DYNC2I2: variants seen among roughly 807,000 people sequenced by gnomAD.
DYNC2I2 encodes dynein 2 intermediate chain 2, also known as cytoplasmic dynein 2 intermediate chain 2.
Under a neutral mutation model 52.0 loss-of-function variants are expected in DYNC2I2, and 39 were observed. The ratio of observed to expected loss-of-function variants is 0.75; its 90% CI spans 0.58 to 0.98. DYNC2I2 has a LOEUF of 0.98. Ranked by LOEUF, DYNC2I2 falls within the 50% of genes least tolerant of loss-of-function variation. The pLI is 0.00. For synonymous variants in DYNC2I2, 359 were observed against 321.1 expected (o/e 1.12, Z -1.26); for missense variants, 743 against 728.4 (o/e 1.02, Z -0.23).
chr9:128,635,836 G>A (rs930743912), intron 4 of DYNC2I2, 69 bp from the exon 5 acceptor site: 23 of 1,442,670 alleles, frequency 1.6e-5, no homozygotes, highest in Middle Eastern at 1.7e-4. Flanking sequence ...CCAAACACCC[G>A]CCCCAGCCCA....
the DYNC2I2 span, among the ~76,000 whole-genome samples, chr9:128,668,826 A>C: frequency 2.1e-5 from 3 of 146,000 alleles, no homozygotes; most frequent in African/African-American, 7.7e-5. Flanking sequence ...AAAAAAAGGA[A>C]AAAAAAAAAA....
At position 128,656,632 on chromosome 9, in the gene DYNC2I2, G is replaced by A. The variant is rs1353426600; in HGVS notation, c.95C>T (p.Pro32Leu). ...ATVGVASGPG[P>L]GRPGPLQDET... ...GTCCTGCAGCGGCCCTGGCCGCCCC[G>A]GCCCCGGGCCGCTCGCAACCCCGAC... Residue 32 changes from proline to leucine, a missense_variant, in exon 1 of 9, where the codon CCG becomes CTG. Coordinates refer to ENST00000372715, the MANE Select transcript of DYNC2I2 (RefSeq NM_052844.4). The A allele has an allele frequency of 4.7e-6, 7 of 1,498,832 alleles. No homozygotes were observed. Among genetic ancestry groups the A allele is most frequent in the African/African-American group, 4.3e-5 (3 of 69,344 alleles). 92.8% of individuals were successfully genotyped at this position (1,498,832 alleles called of 1,614,324 possible). A position where few individuals can be genotyped will look rare whatever the true frequency, so the allele number is the denominator to read the frequency against.
At chr9:128,636,145 G>C (rs1589429666) in intron 4 of DYNC2I2, 136 bp downstream of exon 4, 1 of 1,335,270 alleles carries the variant, frequency 7.5e-7, no homozygotes, top group Middle Eastern at 2.1e-4. Context: ...CCTTCACCTG[G>C]GCTCCAGACT....
Position 128,633,919 on chromosome 9 carries a change from G to C in DYNC2I2, c.1436C>G (p.Thr479Ser). 1 of 1,613,256 alleles carries C rather than the reference G, an allele frequency of 6.2e-7. No individual in the cohort carries two copies. Among genetic ancestry groups the C allele is most frequent in the Non-Finnish European group, 8.5e-7 (1 of 1,180,046 alleles). ...SQKPTVLIKQ[T>S]QDESPVYCLE... ...ACAGTAGACAGGGCTTTCATCCTGG[G>C]TTTGCTTGATCAAAACTGTGGGTTT... The change falls in exon 9 of 9, where the codon ACC becomes AGC. Residue 479 changes from threonine to serine, a missense_variant. Physicochemically the swap from Thr to Ser is moderately conservative, Grantham distance 58. Coordinates refer to ENST00000372715, the MANE Select transcript of DYNC2I2 (RefSeq NM_052844.4).
the DYNC2I2 span, among the ~76,000 whole-genome samples, chr9:128,682,160 T>C: frequency 1.8e-4 from 28 of 151,784 alleles, no homozygotes; most frequent in East Asian, 1.2e-3. Flanking sequence ...GCCATTCTCC[T>C]GCCTCAGCCT....
At chr9:128,668,743 C>T in the DYNC2I2 span, among the ~76,000 whole-genome samples, 1 of 150,576 alleles carries the variant, frequency 6.6e-6, no homozygotes, top group African/African-American at 2.4e-5. Context: ...TCGCTTGATC[C>T]CAGGAGGTAG....
At chr9:128,664,809 C>T in the DYNC2I2 span, among the ~76,000 whole-genome samples, 2 of 151,048 alleles carry the variant, frequency 1.3e-5, no homozygotes, top group Admixed American at 6.6e-5. Context: ...CAACATTATA[C>T]ATGCAGCACC....
chr9:128,642,802 G>C (rs941863024), intron 1 of DYNC2I2, among the ~76,000 whole-genome samples: 5 of 152,110 alleles, frequency 3.3e-5, no homozygotes, highest in Admixed American at 2.6e-4. Flanking sequence ...GCATTGTCTG[G>C]GTAATGAGGA....
chr9:128,635,056 G>A lies in DYNC2I2; in HGVS notation c.981+36C>T, dbSNP rs375064161. On this transcript the variant is annotated intron_variant, in intron 6 of 8. Transcript: ENST00000372715. ...CACCTTCCCACCCCCAAGGCTCACCGGCGCAGGCCAGGGCAGTTTCCGGGT... is the reference window on the plus strand; with the variant it reads ...CACCTTCCCACCCCCAAGGCTCACCAGCGCAGGCCAGGGCAGTTTCCGGGT... 68 of 1,593,278 alleles carry A rather than the reference G, an allele frequency of 4.3e-5. No homozygotes were observed. In the Middle Eastern group the frequency reaches 6.0e-4, roughly 14 times the overall value.
intron 1 of DYNC2I2, among the ~76,000 whole-genome samples, chr9:128,646,014 G>C (rs1039491630): frequency 6.6e-6 from 1 of 152,182 alleles, no homozygotes; most frequent in Non-Finnish European, 1.5e-5. Context: ...AGAGAGGTGA[G>C]GAAGCTGCAG....
At chr9:128,643,519 T>A in intron 1 of DYNC2I2, among the ~76,000 whole-genome samples, 1 of 134,834 alleles carries the variant, frequency 7.4e-6, no homozygotes, top group African/African-American at 3.0e-5. Flanking sequence ...AGAGTGAGAC[T>A]CCATCTCAAA....
rs1402394212 is a variant in DYNC2I2 at position 128,633,820 on chromosome 9, A to G, written c.1535T>C (p.Leu512Pro). 3 of 1,613,572 alleles carry G rather than the reference A, an allele frequency of 1.9e-6. No homozygotes were observed. Among genetic ancestry groups the G allele is most frequent in the South Asian group, 2.2e-5 (2 of 91,086 alleles). Residue 512 changes from leucine to proline, a missense_variant, in exon 9 of 9, where the codon CTG (leucine) becomes CCG (proline). Leu to Pro is a moderately conservative substitution (Grantham distance 98). Transcript: ENST00000372715. ...DAQGTVKVWQ[L>P]STEFTEQGPR... ...CCCTTGTTCCGTGAACTCTGTGCTCAGCTGCCACACCTTCACTGTGCCCTG... is the reference window on the plus strand; with the variant it reads ...CCCTTGTTCCGTGAACTCTGTGCTCGGCTGCCACACCTTCACTGTGCCCTG...
intron 1 of DYNC2I2, among the ~76,000 whole-genome samples, chr9:128,644,570 C>G (rs766340971): frequency 6.6e-6 from 1 of 152,180 alleles, no homozygotes; most frequent in Non-Finnish European, 1.5e-5. Flanking sequence ...TGAGCCACCG[C>G]ACCTGTCCAA....
chr9:128,680,460 C>T, the DYNC2I2 span, among the ~76,000 whole-genome samples: 2 of 152,020 alleles, frequency 1.3e-5, no homozygotes, highest in African/African-American at 4.8e-5. Flanking sequence ...TCACTGAAAG[C>T]TCCACCTCCT....
intron 2 of DYNC2I2, among the ~76,000 whole-genome samples, 161 bp from the exon 3 acceptor site, chr9:128,637,188 C>T (rs1032526589): frequency 6.6e-6 from 1 of 152,198 alleles, no homozygotes; most frequent in African/African-American, 2.4e-5. Flanking sequence ...CCACATCTGC[C>T]CCAGCAGAAT....
At chr9:128,668,041 A>T in the DYNC2I2 span, among the ~76,000 whole-genome samples, 1 of 134,210 alleles carries the variant, frequency 7.5e-6, no homozygotes, top group Admixed American at 7.6e-5. Context: ...GCTCACTGCA[A>T]CTTCTGCCTC....
At chr9:128,656,993 AT>A (rs1390220312), upstream of DYNC2I2, among the ~76,000 whole-genome samples, 1 of 152,250 alleles carries the variant, frequency 6.6e-6, no homozygotes, top group Non-Finnish European at 1.5e-5. Context: ...GAAGTGAGGC[AT>A]TGGTGCCAGG....
rs117799302 is a variant in DYNC2I2 at position 128,644,461 on chromosome 9, T to C, written c.187-3522A>G. On this transcript the variant is annotated intron_variant, in intron 1 of 8. Coordinates refer to ENST00000372715, the MANE Select transcript of DYNC2I2 (RefSeq NM_052844.4). ...CTGATTTTTTAAAAGAATTTTTTCG[T>C]AGAGACAGGGTCTCACTATATTATC... Among the ~76,000 whole-genome samples the C allele has an allele frequency of 2.7e-3, 408 of 152,192 alleles. 9 individuals carry two copies. In the East Asian group the frequency reaches 0.04, roughly 15 times the overall value.
At chr9:128,672,874 A>G in the DYNC2I2 span, among the ~76,000 whole-genome samples, 5 of 152,110 alleles carry the variant, frequency 3.3e-5, no homozygotes, top group African/African-American at 1.2e-4. Flanking sequence ...AATACAAAAA[A>G]CTGGTGGGGC....
Sources: gnomAD v4.1 joint callset for allele counts (sites outside exome capture counted in the v4.1 genomes callset) on GRCh38, gnomAD v4.1.1 for gene constraint, MANE v1.5 for transcripts, NCBI Gene and HGNC (gene_info 2026-07-23, HGNC 2026-07-21) for gene names.